CDK5RAP2: variants seen among roughly 807,000 people sequenced by gnomAD.
CDK5RAP2 encodes CDK5 regulatory subunit associated protein 2.
In CDK5RAP2, 147 loss-of-function variants were observed where a neutral mutation model predicts 232.9. The observed-to-expected ratio is 0.63, with a 90% CI of 0.55 to 0.72. CDK5RAP2 has a LOEUF of 0.72. CDK5RAP2 is among the 30% of genes least tolerant of loss of function. The pLI is 0.00. For missense variants in CDK5RAP2, 2,195 were observed against 2,231.5 expected, an observed-to-expected ratio of 0.98 and a Z score of 0.33; for synonymous variants, 833 against 833.7, an observed-to-expected ratio of 1.00 and a Z score of 0.01.
intron 15 of CDK5RAP2, among the ~76,000 whole-genome samples, chr9:120,473,427 T>C (rs187373357): frequency 1.3e-5 from 2 of 152,346 alleles, no homozygotes; most frequent in Non-Finnish European, 2.9e-5. Flanking sequence ...CCCCGAATGG[T>C]TAGAGGCAAT....
chr9:120,457,063 A>G (rs1236061705), intron 20 of CDK5RAP2, among the ~76,000 whole-genome samples: 2 of 152,188 alleles, frequency 1.3e-5, no homozygotes, highest in East Asian at 1.9e-4. Context: ...TTTCCTAAGC[A>G]CTTACCATGT....
At position 120,471,292 on chromosome 9, in the gene CDK5RAP2, A is replaced by G. The variant is rs1017415112; in HGVS notation, c.1858+456T>C. Among the ~76,000 whole-genome samples, 3 of 152,298 alleles carry G rather than the reference A, an allele frequency of 2.0e-5. No individual in the cohort carries two copies. In the South Asian group the frequency reaches 6.2e-4, roughly 32 times the overall value. Reference sequence around the variant, plus strand: ...AAAACATAAGTCCCACAGGACCCTCATCTTGTAGCCCTCCCTTAATGCATA... The same window carrying G: ...AAAACATAAGTCCCACAGGACCCTCGTCTTGTAGCCCTCCCTTAATGCATA... On this transcript the variant is annotated intron_variant, in intron 16 of 37. Coordinates refer to ENST00000349780, the MANE Select transcript of CDK5RAP2 (RefSeq NM_018249.6).
chr9:120,426,210 A>G (rs2131401644), intron 25 of CDK5RAP2, among the ~76,000 whole-genome samples: 1 of 152,352 alleles, frequency 6.6e-6, no homozygotes, highest in East Asian at 1.9e-4. Context: ...CAAAAAGTAT[A>G]TGAGACAGAT....
chr9:120,540,783 C>T (rs993241316), intron 5 of CDK5RAP2, among the ~76,000 whole-genome samples: 5 of 152,236 alleles, frequency 3.3e-5, no homozygotes, highest in Non-Finnish European at 5.9e-5. Flanking sequence ...TCACACACGT[C>T]GGCCTGTTCC....
At chr9:120,567,767 A>G (rs534382729) in intron 3 of CDK5RAP2, among the ~76,000 whole-genome samples, 24 of 152,352 alleles carry the variant, frequency 1.6e-4, no homozygotes, top group Middle Eastern at 6.8e-3. Flanking sequence ...AAGGGGAGGC[A>G]CAATGCAGTG....
chr9:120,527,240 A>G (rs904900015), intron 10 of CDK5RAP2, among the ~76,000 whole-genome samples: 1 of 152,218 alleles, frequency 6.6e-6, no homozygotes, highest in African/African-American at 2.4e-5. Flanking sequence ...TACAAACGCA[A>G]CACTCAGGCA....
At chr9:120,555,602 C>A (rs1013843795) in intron 3 of CDK5RAP2, among the ~76,000 whole-genome samples, 5 of 152,194 alleles carry the variant, frequency 3.3e-5, no homozygotes, top group African/African-American at 1.2e-4. Flanking sequence ...TCATACTCTG[C>A]TGATGCGAAT....
At chr9:120,529,928 G>A (rs772759259) in intron 8 of CDK5RAP2, 50 bp downstream of exon 8, 14 of 1,565,150 alleles carry the variant, frequency 8.9e-6, no homozygotes, top group Non-Finnish European at 1.2e-5. Flanking sequence ...CTCCCACAGA[G>A]GAGTCTGGTT....
At chr9:120,578,984 T>C (rs746390694) in intron 1 of CDK5RAP2, among the ~76,000 whole-genome samples, 1 of 152,102 alleles carries the variant, frequency 6.6e-6, no homozygotes, top group South Asian at 2.1e-4. Context: ...ACAGTGCAGG[T>C]TCTCCGTCAG....
At chr9:120,431,108 G>A (rs1213630629) in intron 25 of CDK5RAP2, among the ~76,000 whole-genome samples, 1 of 152,156 alleles carries the variant, frequency 6.6e-6, no homozygotes, top group Non-Finnish European at 1.5e-5. Flanking sequence ...TCTGGGGACT[G>A]TTGTGGGGTG....
At chr9:120,445,257 T>A (rs1170366756) in intron 22 of CDK5RAP2, among the ~76,000 whole-genome samples, 1 of 152,210 alleles carries the variant, frequency 6.6e-6, no homozygotes, top group Non-Finnish European at 1.5e-5. Flanking sequence ...TCGCTGCCAC[T>A]TCTACATCAT....
intron 12 of CDK5RAP2, among the ~76,000 whole-genome samples, chr9:120,501,974 A>AT (rs1253748922): frequency 1.3e-4 from 20 of 152,348 alleles, no homozygotes; most frequent in Non-Finnish European, 2.1e-4. Flanking sequence ...TTTATGAATG[A>AT]GGAAACAGGC....
chr9:120,414,694 C>G (rs1281336127), intron 28 of CDK5RAP2, among the ~76,000 whole-genome samples: 2 of 152,190 alleles, frequency 1.3e-5, no homozygotes, highest in Non-Finnish European at 2.9e-5. Context: ...GACGATCACT[C>G]TATTCGGAGC....
chr9:120,491,243 A>T, intron 13 of CDK5RAP2, 64 bp downstream of exon 13: 3 of 1,187,728 alleles, frequency 2.5e-6, no homozygotes, highest in Non-Finnish European at 3.8e-6. Flanking sequence ...TCTGCAAAAG[A>T]ATTATTTTTT....
intron 30 of CDK5RAP2, 90 bp from the exon 31 acceptor site, chr9:120,408,558 TCA>T: frequency 7.0e-7 from 1 of 1,423,230 alleles, no homozygotes; most frequent in Non-Finnish European, 9.8e-7. Context: ...AATTCCACCC[TCA>T]GTCACAAGAG....
At chr9:120,521,941 G>A (rs1408998232) in intron 11 of CDK5RAP2, among the ~76,000 whole-genome samples, 4 of 151,968 alleles carry the variant, frequency 2.6e-5, no homozygotes, top group East Asian at 3.9e-4. Flanking sequence ...CACCGCACCT[G>A]GCCTAAACCT....
intron 4 of CDK5RAP2, among the ~76,000 whole-genome samples, chr9:120,547,925 A>G (rs890564130): frequency 4.6e-5 from 7 of 152,242 alleles, no homozygotes; most frequent in Non-Finnish European, 8.8e-5. Context: ...TAGAAGCACA[A>G]TACTTTAACT....
At chr9:120,408,085 T>C (rs539484086) in intron 31 of CDK5RAP2, 2 of 499,074 alleles carry the variant, frequency 4.0e-6, no homozygotes, top group South Asian at 2.0e-5. Context: ...TGAAGTGGCC[T>C]ACTGAGGGTC....
chr9:120,472,128 C>T (rs2037743395), intron 15 of CDK5RAP2, among the ~76,000 whole-genome samples: 1 of 152,194 alleles, frequency 6.6e-6, no homozygotes, highest in African/African-American at 2.4e-5. Flanking sequence ...GCGTAATTTA[C>T]ATGGCTGAAA....
Sources: gnomAD v4.1 joint callset for allele counts (sites outside exome capture counted in the v4.1 genomes callset) on GRCh38, gnomAD v4.1.1 for gene constraint, MANE v1.5 for transcripts, NCBI Gene and HGNC (gene_info 2026-07-23, HGNC 2026-07-21) for gene names.